The following MACF1 variants were observed in gnomAD, a reference collection of about 807,000 sequenced individuals.
MACF1 encodes microtubule actin crosslinking factor 1.
MACF1 carries 193 observed loss-of-function variants against 854.8 expected under a neutral mutation model. The ratio of observed to expected loss-of-function variants is 0.23; its 90% CI spans 0.20 to 0.25. The LOEUF is 0.25. Among genes scored for constraint, MACF1 ranks in the 10% least tolerant of loss-of-function variants. The pLI is 1.00. For synonymous variants in MACF1, 3,185 were observed against 3,226.7 expected (o/e 0.99, Z 0.44); for missense variants, 7,722 against 8,929.1 (o/e 0.86, Z 5.45).
At chr1:39,125,049 G>A (rs140191129) in intron 2 of MACF1, among the ~76,000 whole-genome samples, 3 of 152,230 alleles carry the variant, frequency 2.0e-5, no homozygotes, top group African/African-American at 4.8e-5. Context: ...GTCACTTGTC[G>A]TCTTTGGGCC....
Position 39,353,216 on chromosome 1 carries a change from A to G in MACF1, c.11409A>G (p.Gln3803=), listed in dbSNP as rs779581207. 5 of 1,604,482 alleles carry G rather than the reference A, an allele frequency of 3.1e-6. No individual in the cohort carries two copies. In the African/African-American group the frequency reaches 5.4e-5, roughly 17 times the overall value. The part of the protein sequence containing the change: ...VNQAPEKLDK[Q]CEMMKARHQE... ...AAGCCCCAGAGAAACTGGACAAGCA[A>G]TGTGAGATGATGAAGGTAAGGGTGT... Residue 3803 remains glutamine (Q), a synonymous_variant, in exon 44 of 101, where the codon CAA becomes CAG. Coordinates refer to ENST00000564288, the MANE Select transcript of MACF1 (RefSeq NM_001394062.1).
intron 49 of MACF1, among the ~76,000 whole-genome samples, chr1:39,364,769 G>A (rs1278130949): frequency 2.0e-5 from 3 of 152,132 alleles, no homozygotes; most frequent in East Asian, 3.9e-4. Flanking sequence ...TGGGATTACA[G>A]GCGTGAGCCA....
intron 68 of MACF1, among the ~76,000 whole-genome samples, chr1:39,434,171 C>T (rs1255766165): frequency 6.6e-6 from 1 of 151,954 alleles, no homozygotes; most frequent in Admixed American, 6.6e-5. Context: ...TACTATTTTA[C>T]TGCTTTTTAA....
intron 2 of MACF1, among the ~76,000 whole-genome samples, chr1:39,149,417 G>T (rs1192226771): frequency 6.6e-6 from 1 of 152,016 alleles, no homozygotes; most frequent in East Asian, 1.9e-4. Context: ...CAACTACTCG[G>T]GAGGCTGAGG....
intron 23 of MACF1, among the ~76,000 whole-genome samples, chr1:39,303,405 G>A (rs963028324): frequency 6.6e-6 from 1 of 152,062 alleles, no homozygotes; most frequent in African/African-American, 2.4e-5. Flanking sequence ...ACAAAAATTA[G>A]CTGGATGTGG....
At chr1:39,425,246 C>G (rs1442641804) in intron 61 of MACF1, among the ~76,000 whole-genome samples, 1 of 152,078 alleles carries the variant, frequency 6.6e-6, no homozygotes, top group African/African-American at 2.4e-5. Context: ...CCATCTGTTT[C>G]TCTAATTCCC....
At chr1:39,202,634 CAAA>C (rs150582591), upstream of MACF1, among the ~76,000 whole-genome samples, 2 of 140,842 alleles carry the variant, frequency 1.4e-5, no homozygotes. Context: ...GACTCTGTCT[CAAA>C]AAAAAAAAAA....
At chr1:39,446,400 T>C (rs1399884751) in intron 80 of MACF1, among the ~76,000 whole-genome samples, 1 of 151,922 alleles carries the variant, frequency 6.6e-6, no homozygotes, top group Non-Finnish European at 1.5e-5. Flanking sequence ...TATATTAATT[T>C]CTAAACATTT....
intron 95 of MACF1, chr1:39,468,248 C>T (rs1644709058): frequency 5.8e-6 from 1 of 173,046 alleles, no homozygotes; most frequent in South Asian, 1.3e-4. Context: ...ATTAGCTGGG[C>T]GTGATGGCAC....
chr1:39,311,432 C>G (rs1232535678), intron 26 of MACF1, among the ~76,000 whole-genome samples: 1 of 152,262 alleles, frequency 6.6e-6, no homozygotes, highest in Admixed American at 6.5e-5. Flanking sequence ...TGACTTTGAG[C>G]AAGTGAGCTC....
chr1:39,171,100 G>C (rs1402791669), intron 2 of MACF1, among the ~76,000 whole-genome samples: 1 of 152,050 alleles, frequency 6.6e-6, no homozygotes, highest in East Asian at 1.9e-4. Flanking sequence ...TTTTATTTGT[G>C]GTCCAACAGC....
At chr1:39,465,032 G>T in intron 94 of MACF1, 63 bp from the exon 95 acceptor site, 1 of 1,442,722 alleles carries the variant, frequency 6.9e-7, no homozygotes, top group South Asian at 1.1e-5. Flanking sequence ...GTGTTAATTT[G>T]ACAAAATGTT....
chr1:39,258,495 A>G (rs1489131445), intron 6 of MACF1, among the ~76,000 whole-genome samples: 3 of 152,252 alleles, frequency 2.0e-5, no homozygotes, highest in East Asian at 1.9e-4. Flanking sequence ...CTGGGTTTGT[A>G]TATGTGCTGG....
chr1:39,411,095 C>A, intron 58 of MACF1: 5 of 1,613,530 alleles, frequency 3.1e-6, no homozygotes, highest in Non-Finnish European at 4.2e-6. Flanking sequence ...AAGCAGCACC[C>A]CCTTGGGGAC....
intron 97 of MACF1, among the ~76,000 whole-genome samples, chr1:39,476,025 G>A (rs1012347004): frequency 6.2e-4 from 94 of 152,172 alleles, no homozygotes; most frequent in African/African-American, 2.1e-3. Flanking sequence ...CCACATGCAA[G>A]TTACAACAGC....
At chr1:39,452,063 A>T (rs964354248) in intron 85 of MACF1, 93 bp from the exon 86 acceptor site, 1 of 1,157,008 alleles carries the variant, frequency 8.6e-7, no homozygotes, top group African/African-American at 1.5e-5. Flanking sequence ...AAGACACATG[A>T]TTAGAACCTA....
At chr1:39,463,241 C>CT (rs1644591269) in intron 93 of MACF1, among the ~76,000 whole-genome samples, 1 of 152,152 alleles carries the variant, frequency 6.6e-6, no homozygotes, top group Non-Finnish European at 1.5e-5. Flanking sequence ...AATCCCAGCA[C>CT]TTTGGGAGGC....
intron 58 of MACF1, chr1:39,412,299 A>C: frequency 6.2e-7 from 1 of 1,613,976 alleles, no homozygotes; most frequent in Non-Finnish European, 8.5e-7. Context: ...CAAATTTACT[A>C]ACAGATGAAA....
chr1:39,169,280 C>T (rs1021285095), intron 2 of MACF1, among the ~76,000 whole-genome samples: 17 of 152,132 alleles, frequency 1.1e-4, no homozygotes, highest in Admixed American at 3.3e-4. Flanking sequence ...TTTCCTATTA[C>T]TGAAAGTCTA....
Sources: allele counts gnomAD v4.1 joint callset (sites outside exome capture counted in the v4.1 genomes callset), GRCh38; gene constraint gnomAD v4.1.1; transcripts MANE v1.5; gene names NCBI Gene and HGNC (gene_info 2026-07-23, HGNC 2026-07-21).